The following MPRIP variants were observed in gnomAD, a reference collection of about 807,000 sequenced individuals.
MPRIP encodes the protein myosin phosphatase Rho interacting protein.
In MPRIP, 59 loss-of-function variants were observed where a neutral mutation model predicts 234.9. That is an observed-to-expected ratio of 0.25 (90% CI 0.20 to 0.31). MPRIP has a LOEUF of 0.31. Among genes scored for constraint, MPRIP ranks in the 10% least tolerant of loss-of-function variants. The probability of loss-of-function intolerance (pLI) is 1.00; values close to 1 mark genes in which losing one functional copy is unlikely to be tolerated. For missense variants in MPRIP, 2,436 were observed against 3,071.0 expected, an observed-to-expected ratio of 0.79 and a Z score of 4.89; for synonymous variants, 1,144 against 1,263.9, an observed-to-expected ratio of 0.91 and a Z score of 2.01.
intron 10 of MPRIP, among the ~76,000 whole-genome samples, chr17:17,146,891 G>A (rs1201945467): frequency 6.6e-6 from 1 of 152,266 alleles, no homozygotes; most frequent in African/African-American, 2.4e-5. Context: ...ACCCCTGCTG[G>A]TTAGGAGGCC....
In MPRIP at chr17:17,112,747, C is replaced by A. The variant is rs549126757; in HGVS notation, c.268-13955C>A. 2.6e-5 allele frequency among the ~76,000 whole-genome samples: 4 copies of A among 152,328 alleles called. No homozygotes were observed. In the South Asian group the frequency reaches 8.3e-4, roughly 32 times the overall value. On this transcript the variant is annotated intron_variant, in intron 3 of 23. Coordinates refer to ENST00000651222, the MANE Select transcript of MPRIP (RefSeq NM_001364716.4). ...GCAACTGGGCTGTGGGTTGGTGCCA[C>A]TGGACAAAGGTGTTTCAGCGCAGCC...
At chr17:17,126,562 G>A (rs1162409451) in intron 3 of MPRIP, 140 bp from the exon 4 acceptor site, 1 of 978,462 alleles carries the variant, frequency 1.0e-6, no homozygotes, top group East Asian at 2.5e-5. Context: ...GGGCACAAAG[G>A]AAGAGGAGCT....
chr17:17,086,927 T>A (rs371798620), intron 3 of MPRIP, among the ~76,000 whole-genome samples: 1 of 151,790 alleles, frequency 6.6e-6, no homozygotes, highest in African/African-American at 2.4e-5. Context: ...AGTTGGGAGG[T>A]TGGGGGAGAA....
chr17:17,116,414 A>G (rs2144324024), intron 3 of MPRIP, among the ~76,000 whole-genome samples: 1 of 152,316 alleles, frequency 6.6e-6, no homozygotes, highest in Non-Finnish European at 1.5e-5. Flanking sequence ...AGGTGGGGCA[A>G]TTGGTGCAGG....
Position 17,191,225 on chromosome 17 carries a change from T to A in MPRIP, c.*6331T>A, listed in dbSNP as rs10852847. On this transcript the variant is annotated 3_prime_UTR_variant, in exon 24 of 24. Transcript: ENST00000651222. ...AGTCCTTAAGGAAAATCAGGAAAAT[T>A]AAGAAAATGATGGTGCCATCTTGAC... 1 of 152,074 alleles carries A rather than the reference T, an allele frequency of 6.6e-6. No homozygotes were observed. The allele number at this position is 152,074 out of a possible 1,614,324, so 9.4% of individuals were successfully genotyped here.
chr17:17,083,404 C>G (rs944631356), intron 3 of MPRIP, among the ~76,000 whole-genome samples: 3 of 152,136 alleles, frequency 2.0e-5, no homozygotes, highest in Non-Finnish European at 2.9e-5. Flanking sequence ...AGTTTGCTTC[C>G]TATAGGAGAG....
intron 3 of MPRIP, among the ~76,000 whole-genome samples, chr17:17,098,899 C>A (rs1366684117): frequency 5.9e-5 from 9 of 151,974 alleles, no homozygotes; most frequent in Non-Finnish European, 1.3e-4. Flanking sequence ...CTTTATTTAT[C>A]TCCACATTTT....
At chr17:17,175,227 G>T (rs1043308511) in intron 19 of MPRIP, 66 bp from the exon 20 acceptor site, 2 of 1,609,720 alleles carry the variant, frequency 1.2e-6, no homozygotes, top group Non-Finnish European at 1.7e-6. Context: ...TGGCCTTCCC[G>T]GGTTGTGTCA....
Position 17,126,761 on chromosome 17 carries a change from G to A in MPRIP, c.327G>A (p.Gly109=), listed in dbSNP as rs747158612. 4.3e-6 allele frequency: 7 copies of A among 1,614,184 alleles called. No homozygotes were observed. Among genetic ancestry groups the A allele is most frequent in the Non-Finnish European group, 5.9e-6 (7 of 1,180,010 alleles). ...NMNQCTDVVD[G]EGRTGQKFSL... ...ACCAGTGCACAGATGTGGTGGATGG[G>A]GAGGGCCGCACGGGCCAGAAGTTCT... is the stretch of plus-strand genomic sequence containing the variant. The change falls in exon 4 of 24, where the codon GGG becomes GGA. Residue 109 remains glycine (G), a synonymous_variant. Coordinates refer to ENST00000651222, the MANE Select transcript of MPRIP (RefSeq NM_001364716.4).
intron 2 of MPRIP, chr17:17,077,668 T>C (rs2089365105): frequency 4.3e-6 from 1 of 232,262 alleles, no homozygotes; most frequent in Non-Finnish European, 8.6e-6. Flanking sequence ...ACACATGTCA[T>C]GTGATGCATT....
intron 5 of MPRIP, among the ~76,000 whole-genome samples, chr17:17,132,522 G>A (rs531735937): frequency 6.2e-4 from 95 of 152,320 alleles, no homozygotes; most frequent in Non-Finnish European, 1.2e-3. Flanking sequence ...GGTGGGGATG[G>A]GGGTCCCTTG....
chr17:17,181,179 G>A (rs1325215062), intron 23 of MPRIP, among the ~76,000 whole-genome samples: 4 of 151,118 alleles, frequency 2.6e-5, no homozygotes, highest in African/African-American at 9.8e-5. Context: ...CAATAGGGGC[G>A]AAATATTTAC....
chr17:17,112,071 G>A (rs182356763), intron 3 of MPRIP, among the ~76,000 whole-genome samples: 2 of 152,178 alleles, frequency 1.3e-5, no homozygotes, highest in Non-Finnish European at 2.9e-5. Context: ...TGTGGGCAGC[G>A]TGGTCCACCT....
Position 17,043,018 on chromosome 17 carries a change from G to A in MPRIP, c.123+47G>A. On this transcript the variant is annotated intron_variant, in intron 1 of 23. Coordinates refer to ENST00000651222, the MANE Select transcript of MPRIP (RefSeq NM_001364716.4). ...GGACACCTCCGTTCTGGGAGCCGCGGGTCGGCGGCCGGGGCGCCGCCAAGG... is the reference window on the plus strand; with the variant it reads ...GGACACCTCCGTTCTGGGAGCCGCGAGTCGGCGGCCGGGGCGCCGCCAAGG... The A allele has an allele frequency of 3.2e-6, 5 of 1,587,094 alleles. No individual in the cohort carries two copies. In the East Asian group the frequency reaches 9.2e-5, roughly 29 times the overall value.
intron 3 of MPRIP, among the ~76,000 whole-genome samples, chr17:17,098,280 A>G (rs1200125251): frequency 2.6e-5 from 4 of 151,516 alleles, no homozygotes; most frequent in African/African-American, 9.7e-5. Flanking sequence ...AAGGCCCCTC[A>G]CTCTCCACCA....
intron 20 of MPRIP, among the ~76,000 whole-genome samples, chr17:17,175,712 C>T (rs1056934483): frequency 2.6e-5 from 4 of 152,330 alleles, no homozygotes; most frequent in East Asian, 3.9e-4. Flanking sequence ...CAAAAGGACA[C>T]GTTCTGTAGC....
rs780094187 is a variant in MPRIP at position 17,138,101 on chromosome 17, C to A, written c.922C>A (p.Gln308Lys). 1.9e-5 allele frequency: 30 copies of A among 1,556,924 alleles called. No individual in the cohort carries two copies. The South Asian group carries it at 3.2e-4, about 17-fold the overall frequency. The change falls in exon 7 of 24, where the codon CAG becomes AAG. Residue 308 changes from glutamine (Q) to lysine (K), a missense_variant. By Grantham distance (53) the Gln-to-Lys change is moderately conservative. This residue lies in a region of MPRIP where 267 missense variants were observed against 252.7 expected (regional missense o/e 1.06). Coordinates refer to ENST00000651222, the MANE Select transcript of MPRIP (RefSeq NM_001364716.4). The surrounding 1 kb of genome is among the most constrained non-coding windows in gnomAD (Gnocchi z 5.8). ...GTACAGTTGCCCCGAGTCGCCCTCC[C>A]AGGAGCTCGGTGGTCCTCTTCCTTC... Reference protein sequence around the residue: ...HRYSCPESPSQELGGPLPSPG... With the variant: ...HRYSCPESPSKELGGPLPSPG...
intron 1 of MPRIP, among the ~76,000 whole-genome samples, chr17:17,054,571 A>G (rs572785220): frequency 3.3e-5 from 5 of 152,298 alleles, no homozygotes; most frequent in South Asian, 4.1e-4. Context: ...GAATGTGCAC[A>G]TCTCTGAGAT....
intron 3 of MPRIP, among the ~76,000 whole-genome samples, chr17:17,108,593 T>C (rs1243740919): frequency 6.6e-6 from 1 of 152,228 alleles, no homozygotes. Context: ...CTTTAAGCTC[T>C]AAAACCTTCC....
Sources: allele counts gnomAD v4.1 joint callset (sites outside exome capture counted in the v4.1 genomes callset), GRCh38; gene constraint gnomAD v4.1.1; regional missense constraint gnomAD v4.1.1; non-coding constraint Gnocchi (gnomAD v3.1); transcripts MANE v1.5; gene names NCBI Gene and HGNC (gene_info 2026-07-23, HGNC 2026-07-21).